Variants in GCM1 observed in about 807,000 individuals in gnomAD.
GCM1 encodes the protein GCM transcription factor 1.
GCM1 carries 2 observed loss-of-function variants against 25.7 expected under a neutral mutation model. That is an observed-to-expected ratio of 0.08 (90% CI 0.03 to 0.24). GCM1 has a LOEUF of 0.24. Among genes scored for constraint, GCM1 ranks in the 10% least tolerant of loss-of-function variants. The pLI is 1.00. For synonymous variants in GCM1, 183 were observed against 195.7 expected (o/e 0.94, Z 0.54); for missense variants, 395 against 538.7 (o/e 0.73, Z 2.64).
chr6:53,146,308 C>T (rs1189010565), intron 1 of GCM1, among the ~76,000 whole-genome samples: 2 of 149,124 alleles, frequency 1.3e-5, no homozygotes, highest in Non-Finnish European at 3.0e-5. Context: ...CAACCTCTGC[C>T]TCTTGGGTTC....
At chr6:53,142,870 C>CAAAAAAAAAAAAAAAA (rs60718730) in intron 2 of GCM1, among the ~76,000 whole-genome samples, 7 of 37,534 alleles carry the variant, frequency 1.9e-4, no homozygotes, top group African/African-American at 2.9e-4. Flanking sequence ...CAAGGATCTC[C>CAAAAAAAAAAAAAAAA]AAAAAAAAAA....
intron 2 of GCM1, among the ~76,000 whole-genome samples, chr6:53,138,319 C>T (rs1051845199): frequency 2.7e-5 from 4 of 147,918 alleles, no homozygotes; most frequent in South Asian, 2.1e-4. Context: ...ATTTGGACAA[C>T]GTATGGACTG....
chr6:53,138,897 C>G (rs1315236717), intron 2 of GCM1, among the ~76,000 whole-genome samples: 3 of 152,184 alleles, frequency 2.0e-5, no homozygotes, highest in Non-Finnish European at 2.9e-5. Context: ...TCACCTCATT[C>G]TAACTTATTC....
intron 2 of GCM1, among the ~76,000 whole-genome samples, chr6:53,137,836 C>A (rs1242118894): frequency 6.6e-6 from 1 of 152,120 alleles, no homozygotes; most frequent in South Asian, 2.1e-4. Flanking sequence ...TCCCATGAAC[C>A]AGAAGGAGCG....
intron 2 of GCM1, among the ~76,000 whole-genome samples, chr6:53,144,703 C>T (rs1490883637): frequency 1.3e-5 from 2 of 151,330 alleles, no homozygotes; most frequent in African/African-American, 4.9e-5. Flanking sequence ...TCACTTGAGC[C>T]CAGGAGTTCA....
In GCM1 at chr6:53,128,151, T is replaced by C. The variant is rs1028018323; in HGVS notation, c.*55A>G. The C allele has an allele frequency of 2.1e-6, 3 of 1,406,916 alleles. No individual in the cohort carries two copies. The highest frequency in any genetic ancestry group is 2.9e-6 in the Non-Finnish European group (3 of 1,032,110). The allele number at this position is 1,406,916 out of a possible 1,614,324, so 87.2% of individuals were successfully genotyped here. The stretch of plus-strand genomic sequence containing the variant: ...TAAAAATTATTTCCTAAGGAAATTC[T>C]TTCAGCCCTTCCCCATTTTTGAGGG... On this transcript the variant is annotated 3_prime_UTR_variant, in exon 6 of 6. Transcript: ENST00000259803.
chr6:53,135,324 C>T, intron 2 of GCM1, among the ~76,000 whole-genome samples: 1 of 152,094 alleles, frequency 6.6e-6, no homozygotes, highest in East Asian at 1.9e-4. Flanking sequence ...TAAAGAAAGG[C>T]CAGGGACACC....
chr6:53,128,406 C>T lies in GCM1; in HGVS notation c.1111G>A (p.Asp371Asn), dbSNP rs1211148560. Residue 371 changes from aspartate to asparagine, a missense_variant, in exon 6 of 6, where the codon GAT becomes AAT. By Grantham distance (23) the Asp-to-Asn change is conservative. Transcript: ENST00000259803. ...GGAGACTGGACGTAGCTGTTAAAAT[C>T]CACATGTACTTTCTCTTCATAAAGA... is the stretch of plus-strand genomic sequence containing the variant. ...GNLYEEKVHV[D>N]FNSYVQSPAY... The T allele has an allele frequency of 6.2e-7, 1 of 1,613,792 alleles. No individual in the cohort carries two copies. The highest frequency in any genetic ancestry group is 8.5e-7 in the Non-Finnish European group (1 of 1,179,826).
chr6:53,144,866 G>A (rs1171278261), intron 2 of GCM1, among the ~76,000 whole-genome samples: 1 of 136,298 alleles, frequency 7.3e-6, no homozygotes, highest in African/African-American at 2.8e-5. Context: ...AGTAAGCTGA[G>A]ATAGCACTAC....
intron 2 of GCM1, 54 bp from the exon 3 acceptor site, chr6:53,134,378 C>G: frequency 6.4e-7 from 1 of 1,561,654 alleles, no homozygotes; most frequent in Non-Finnish European, 8.8e-7. Context: ...ACACAGCTGT[C>G]ACCCACTGTG....
intron 2 of GCM1, among the ~76,000 whole-genome samples, chr6:53,142,265 T>G (rs1291855133): frequency 6.6e-6 from 1 of 152,110 alleles, no homozygotes; most frequent in African/African-American, 2.4e-5. Flanking sequence ...TTGCATTTGA[T>G]CCTTTAAACC....
chr6:53,137,819 C>T (rs1186245869), intron 2 of GCM1, among the ~76,000 whole-genome samples: 1 of 152,164 alleles, frequency 6.6e-6, no homozygotes, highest in Non-Finnish European at 1.5e-5. Context: ...CTGGTCAGAG[C>T]CATAGATCCC....
In GCM1 at chr6:53,128,028, C is replaced by CAAAA. The variant is rs1223691364; in HGVS notation, c.*174_*177dup. 9.9e-3 allele frequency: 655 copies of CAAAA among 65,912 alleles called. 1 individual carries two copies. Among genetic ancestry groups the CAAAA allele is most frequent in the South Asian group, 0.024 (108 of 4,500 alleles). 4.1% of individuals were successfully genotyped at this position (65,912 alleles called of 1,614,324 possible). On this transcript the variant is annotated 3_prime_UTR_variant, in exon 6 of 6. Coordinates refer to ENST00000259803, the MANE Select transcript of GCM1 (RefSeq NM_003643.4). ...TGGGCAAAAGAGCAAGACTCTGTCT[C>CAAAA]AAAAAAAAAAAAAAAAAAAAAAAAA... is the stretch of plus-strand genomic sequence containing the variant.
intron 5 of GCM1, among the ~76,000 whole-genome samples, chr6:53,130,191 T>G (rs1483509886): frequency 6.6e-6 from 1 of 152,136 alleles, no homozygotes; most frequent in Non-Finnish European, 1.5e-5. Flanking sequence ...CAAAAAGAAA[T>G]GTGCACCTTT....
intron 1 of GCM1, among the ~76,000 whole-genome samples, 195 bp downstream of exon 1, chr6:53,148,557 ACT>A (rs556606112): frequency 3.3e-4 from 50 of 152,242 alleles, no homozygotes; most frequent in South Asian, 1.5e-3. Flanking sequence ...CCTTAAGTAA[ACT>A]CTGTTTTCCT....
intron 2 of GCM1, among the ~76,000 whole-genome samples, chr6:53,142,635 A>C (rs1207551750): frequency 6.6e-6 from 1 of 152,190 alleles, no homozygotes; most frequent in Non-Finnish European, 1.5e-5. Flanking sequence ...AGACTTAAGA[A>C]AATCAATTTC....
chr6:53,128,829 T>C lies in GCM1; in HGVS notation c.688A>G (p.Asn230Asp), dbSNP rs1763685526. Residue 230 changes from asparagine to aspartate, a missense_variant, in exon 6 of 6, where the codon AAC becomes GAC. Physicochemically the swap from Asn to Asp is conservative, Grantham distance 23. This residue lies in a region of GCM1 where 291 missense variants were observed against 314.6 expected (regional missense o/e 0.92). Transcript: ENST00000259803. ...AAGGAAAAGCAATCATTTAGTGAGT[T>C]CTGCTGAGGAGTGTTAGCTATTAAA... is the stretch of plus-strand genomic sequence containing the variant. ...GHLIANTPQQ[N>D]SLNDCFSFSK... The C allele has an allele frequency of 6.2e-6, 10 of 1,613,676 alleles. No individual in the cohort carries two copies. The highest frequency in any genetic ancestry group is 1.1e-5 in the South Asian group (1 of 91,082).
At position 53,127,116 on chromosome 6, in the gene GCM1, C is replaced by A. The variant is rs1024346037; in HGVS notation, c.*1090G>T. ...CTAATTGCACAAGAGCTTCTCCAAG[C>A]AAATATTTCTCACCTATTACAAACC... On this transcript the variant is annotated 3_prime_UTR_variant, in exon 6 of 6. Transcript: ENST00000259803. 6.6e-6 allele frequency: 1 copy of A among 152,142 alleles called. No homozygotes were observed. Among genetic ancestry groups the A allele is most frequent in the Non-Finnish European group, 1.5e-5 (1 of 68,028 alleles). 9.4% of individuals were successfully genotyped at this position (152,142 alleles called of 1,614,324 possible). A position where few individuals can be genotyped will look rare whatever the true frequency, so the allele number is the denominator to read the frequency against.
intron 2 of GCM1, among the ~76,000 whole-genome samples, chr6:53,134,581 T>C (rs1307659279): frequency 6.6e-6 from 1 of 152,192 alleles, no homozygotes; most frequent in African/African-American, 2.4e-5. Context: ...TCCATCTGAT[T>C]GACACTTCCC....
Sources: allele counts gnomAD v4.1 joint callset (sites outside exome capture counted in the v4.1 genomes callset), GRCh38; gene constraint gnomAD v4.1.1; regional missense constraint gnomAD v4.1.1; transcripts MANE v1.5; gene names NCBI Gene and HGNC (gene_info 2026-07-23, HGNC 2026-07-21).